Variants in PIK3CB observed in about 807,000 individuals in gnomAD.
PIK3CB encodes phosphatidylinositol 4,5-bisphosphate 3-kinase catalytic subunit beta isoform.
Under a neutral mutation model 136.8 loss-of-function variants are expected in PIK3CB, and 39 were observed. The ratio of observed to expected loss-of-function variants is 0.29; its 90% CI spans 0.22 to 0.37. The LOEUF is 0.37. Among genes scored for constraint, PIK3CB ranks in the 10% least tolerant of loss-of-function variants. The pLI, the probability that PIK3CB is intolerant of heterozygous loss-of-function variation, is 1.00. For missense variants in PIK3CB, 868 were observed against 1,275.4 expected (o/e 0.68, Z 4.87); for synonymous variants, 428 against 436.6 (o/e 0.98, Z 0.25).
intron 8 of PIK3CB, among the ~76,000 whole-genome samples, chr3:138,722,714 A>C (rs1192829103): frequency 1.3e-5 from 2 of 151,728 alleles, no homozygotes; most frequent in Non-Finnish European, 2.9e-5. Context: ...AACCCAAAAA[A>C]CCCTGAATTA....
At chr3:138,743,153 G>C (rs1158302550) in intron 4 of PIK3CB, among the ~76,000 whole-genome samples, 1 of 152,040 alleles carries the variant, frequency 6.6e-6, no homozygotes, top group African/African-American at 2.4e-5. Flanking sequence ...AAATATGTGA[G>C]AAAGACTAAG....
chr3:138,832,129 G>A (rs1043631918), intron 1 of PIK3CB, among the ~76,000 whole-genome samples: 1 of 152,172 alleles, frequency 6.6e-6, no homozygotes, highest in Non-Finnish European at 1.5e-5. Context: ...TTAGACTACA[G>A]TGTTCATTTT....
chr3:138,777,984 G>A (rs1258761627), intron 2 of PIK3CB: 2 of 386,826 alleles, frequency 5.2e-6, no homozygotes, highest in Admixed American at 3.0e-5. Context: ...TCTACCCATG[G>A]CAAATTCCGT....
chr3:138,729,280 G>GAAA lies in PIK3CB; in HGVS notation c.1050+4078_1050+4080dup, dbSNP rs150270268. 1.9e-4 allele frequency among the ~76,000 whole-genome samples: 24 copies of GAAA among 125,998 alleles called. No homozygotes were observed. The East Asian group carries it at 5.0e-3, about 26-fold the overall frequency. 82.7% of individuals were successfully genotyped at this position (125,998 alleles called of 152,430 possible). A position where few individuals can be genotyped will look rare whatever the true frequency, so the allele number is the denominator to read the frequency against. ...TGGGTGACAGAGTGAGACTCTCTCA[G>GAAA]AAAAAAAAAAAAAAGAAGGTCTACT... On this transcript the variant is annotated intron_variant, in intron 8 of 23. Transcript: ENST00000674063.
At chr3:138,728,064 G>A (rs1268662844) in intron 8 of PIK3CB, among the ~76,000 whole-genome samples, 1 of 151,962 alleles carries the variant, frequency 6.6e-6, no homozygotes, top group Non-Finnish European at 1.5e-5. Flanking sequence ...CACCCGCCTC[G>A]GCCTCCCAAA....
At chr3:138,716,106 T>C (rs1241904980) in intron 8 of PIK3CB, among the ~76,000 whole-genome samples, 2 of 152,178 alleles carry the variant, frequency 1.3e-5, no homozygotes, top group Non-Finnish European at 2.9e-5. Context: ...TAAACACAGA[T>C]GGATTATTAT....
chr3:138,704,677 T>C (rs1377504953), intron 11 of PIK3CB, among the ~76,000 whole-genome samples, 184 bp from the exon 12 acceptor site: 1 of 152,084 alleles, frequency 6.6e-6, no homozygotes, highest in Non-Finnish European at 1.5e-5. Context: ...AACAGGGAAA[T>C]GATGGTATTG....
chr3:138,782,674 G>C (rs2045934840), intron 2 of PIK3CB, among the ~76,000 whole-genome samples: 2 of 152,116 alleles, frequency 1.3e-5, no homozygotes, highest in South Asian at 4.1e-4. Flanking sequence ...TTCAGGTCAG[G>C]GCTTAATTTA....
In PIK3CB at chr3:138,734,785, A is replaced by T. The variant is rs998430210; in HGVS notation, c.821T>A (p.Met274Lys). ...IQFQYIRNCV[M>K]NRALPHFILV... ...TATAAAATGGGGCAGGGCTCTGTTC[A>T]TCACACAGTTCCGGATATACTATAG... Residue 274 changes from methionine to lysine, a missense_variant, in exon 7 of 24, where the codon ATG becomes AAG. By Grantham distance (95) the Met-to-Lys change is moderately conservative. Coordinates refer to ENST00000674063, the MANE Select transcript of PIK3CB (RefSeq NM_006219.3). 1.1e-5 allele frequency: 17 copies of T among 1,612,742 alleles called. No homozygotes were observed. The highest frequency in any genetic ancestry group is 1.4e-5 in the Non-Finnish European group (17 of 1,179,308).
chr3:138,801,953 G>A (rs987783087), intron 1 of PIK3CB, among the ~76,000 whole-genome samples: 1 of 151,818 alleles, frequency 6.6e-6, no homozygotes, highest in Admixed American at 6.6e-5. Flanking sequence ...GGCTGAGGCA[G>A]ATGGGTCACC....
intron 8 of PIK3CB, among the ~76,000 whole-genome samples, chr3:138,719,396 C>T (rs562819600): frequency 6.6e-6 from 1 of 151,920 alleles, no homozygotes; most frequent in Admixed American, 6.6e-5. Context: ...CAGGTGCGCA[C>T]CACCATGCCT....
intron 11 of PIK3CB, among the ~76,000 whole-genome samples, chr3:138,705,179 A>AC (rs2044345855): frequency 1.2e-5 from 1 of 85,716 alleles, no homozygotes; most frequent in Non-Finnish European, 2.2e-5. Flanking sequence ...AAAAACAAAA[A>AC]ACAAAACAAA....
chr3:138,812,838 G>A (rs969487414), intron 1 of PIK3CB, among the ~76,000 whole-genome samples: 2 of 152,212 alleles, frequency 1.3e-5, no homozygotes, highest in Non-Finnish European at 1.5e-5. Flanking sequence ...CAGAATGAGA[G>A]ACTCTTGTAA....
At chr3:138,760,807 T>C (rs1174423221) in intron 2 of PIK3CB, among the ~76,000 whole-genome samples, 8 of 152,130 alleles carry the variant, frequency 5.3e-5, no homozygotes, top group African/African-American at 1.9e-4. Flanking sequence ...CTTGGGAGAC[T>C]GAGGCATGAG....
intron 13 of PIK3CB, among the ~76,000 whole-genome samples, chr3:138,695,688 CAAT>C (rs2044121250): frequency 6.6e-6 from 1 of 151,824 alleles, no homozygotes; most frequent in South Asian, 2.1e-4. Context: ...TTTGCGAAAA[CAAT>C]ACTTTTGAAT....
At chr3:138,726,926 C>CT (rs1236360293) in intron 8 of PIK3CB, among the ~76,000 whole-genome samples, 1 of 151,704 alleles carries the variant, frequency 6.6e-6, no homozygotes, top group African/African-American at 2.4e-5. Context: ...TGGTGCATGC[C>CT]TGTAGTCCCA....
chr3:138,763,822 C>A (rs2045693381), intron 2 of PIK3CB, among the ~76,000 whole-genome samples: 1 of 152,122 alleles, frequency 6.6e-6, no homozygotes. Context: ...ACAAAAATTT[C>A]TTGATGAAGG....
intron 5 of PIK3CB, among the ~76,000 whole-genome samples, chr3:138,738,239 T>C (rs1174239965): frequency 6.6e-6 from 1 of 152,150 alleles, no homozygotes; most frequent in Non-Finnish European, 1.5e-5. Flanking sequence ...TGGCTCGATC[T>C]TGGCTCACTG....
chr3:138,691,177 A>T (rs978380310), intron 14 of PIK3CB, 34 bp from the exon 15 acceptor site: 1 of 1,596,582 alleles, frequency 6.3e-7, no homozygotes, highest in Non-Finnish European at 8.5e-7. Flanking sequence ...GAGTAACCAA[A>T]CAACCTGTGC....
Sources: gnomAD v4.1 joint callset for allele counts (sites outside exome capture counted in the v4.1 genomes callset) on GRCh38, gnomAD v4.1.1 for gene constraint, MANE v1.5 for transcripts, NCBI Gene and HGNC (gene_info 2026-07-23, HGNC 2026-07-21) for gene names.